Variants in MAP1B observed in about 807,000 individuals in gnomAD.
MAP1B encodes microtubule-associated protein 1B.
MAP1B carries 12 observed loss-of-function variants against 176.1 expected under a neutral mutation model. The ratio of observed to expected loss-of-function variants is 0.07; its 90% CI spans 0.04 to 0.11. MAP1B has a LOEUF of 0.11. MAP1B is among the 10% of genes least tolerant of loss of function. MAP1B has a pLI of 1.00. For synonymous variants in MAP1B, 1,044 were observed against 1,135.0 expected, an observed-to-expected ratio of 0.92 and a Z score of 1.61; for missense variants, 2,523 against 2,990.5, an observed-to-expected ratio of 0.84 and a Z score of 3.65.
In MAP1B at chr5:72,114,623, C is replaced by A. The variant is rs189291217; in HGVS notation, c.185-1075C>A. Reference sequence around the variant, plus strand: ...ATATATAATATGTAAACATGTAAAACACACACACACACCAGAGTTCTGGGG... The same window carrying A: ...ATATATAATATGTAAACATGTAAAAAACACACACACACCAGAGTTCTGGGG... On this transcript the variant is annotated intron_variant, in intron 1 of 6. Transcript: ENST00000296755. 1.1e-3 allele frequency among the ~76,000 whole-genome samples: 167 copies of A among 152,216 alleles called. 2 individuals carry two copies. The highest frequency in any genetic ancestry group is 3.9e-3 in the African/African-American group (161 of 41,542).
chr5:72,136,785 C>T (rs1745844846), intron 2 of MAP1B, among the ~76,000 whole-genome samples: 1 of 152,030 alleles, frequency 6.6e-6, no homozygotes, highest in Admixed American at 6.6e-5. Context: ...GACTACTGAC[C>T]CCAAGCCAAA....
At chr5:72,146,107 T>A (rs777435048) in intron 2 of MAP1B, among the ~76,000 whole-genome samples, 3 of 152,202 alleles carry the variant, frequency 2.0e-5, no homozygotes, top group Non-Finnish European at 4.4e-5. Context: ...TTAGTTGAGA[T>A]GTTTTAGGGA....
rs115355621 is a variant in MAP1B, at chr5:72,164,414, G to A, written c.287-19329G>A. Among the ~76,000 whole-genome samples the A allele has an allele frequency of 7.8e-3, 1,181 of 152,208 alleles. 17 individuals are homozygous for A. The highest frequency in any genetic ancestry group is 0.027 in the African/African-American group (1,113 of 41,516). ...TATTTTTAGCATCAGAATTTTGGGG[G>A]CATCTTGAGTTGAAGAGCAGTGGTT... On this transcript the variant is annotated intron_variant, in intron 2 of 6. Coordinates refer to ENST00000296755, the MANE Select transcript of MAP1B (RefSeq NM_005909.5).
chr5:72,171,803 G>C (rs1746547073), intron 2 of MAP1B, among the ~76,000 whole-genome samples: 1 of 152,154 alleles, frequency 6.6e-6, no homozygotes. Context: ...AAGAACCAAG[G>C]TCACTGGGAA....
intron 2 of MAP1B, among the ~76,000 whole-genome samples, chr5:72,168,080 TGAG>T (rs2112189811): frequency 6.6e-6 from 1 of 152,370 alleles, no homozygotes; most frequent in East Asian, 1.9e-4. Flanking sequence ...GGCCCTGAGC[TGAG>T]GAGGGCCTCA....
chr5:72,177,052 G>A (rs551659184), intron 2 of MAP1B, among the ~76,000 whole-genome samples: 1 of 152,166 alleles, frequency 6.6e-6, no homozygotes, highest in African/African-American at 2.4e-5. Context: ...TTGGGGATCC[G>A]TGGAATTAGA....
intron 2 of MAP1B, chr5:72,179,481 C>G (rs1193604136): frequency 1.6e-5 from 5 of 317,994 alleles, no homozygotes; most frequent in Non-Finnish European, 2.3e-5. Context: ...TGGCCCGTTT[C>G]CCAGTGTGAA....
At chr5:72,183,222 T>C (rs1452445068) in intron 2 of MAP1B, among the ~76,000 whole-genome samples, 1 of 152,240 alleles carries the variant, frequency 6.6e-6, no homozygotes, top group Non-Finnish European at 1.5e-5. Flanking sequence ...AATTAATTAA[T>C]GAATACTCCA....
intron 2 of MAP1B, 28 bp downstream of exon 2, chr5:72,115,827 C>A: frequency 6.6e-7 from 1 of 1,509,128 alleles, no homozygotes; most frequent in Non-Finnish European, 9.2e-7. Context: ...TGTTGGTCAG[C>A]CTAGAATTCC....
intron 2 of MAP1B, chr5:72,116,075 A>G (rs1466887863): frequency 1.4e-5 from 5 of 349,566 alleles, no homozygotes; most frequent in East Asian, 1.3e-4. Flanking sequence ...TGATCACACA[A>G]ATTTTGAATT....
Position 72,195,658 on chromosome 5 carries a change from A to T in MAP1B, c.2303A>T (p.Lys768Ile). The T allele has an allele frequency of 6.2e-7, 1 of 1,614,244 alleles. No individual in the cohort carries two copies. Among genetic ancestry groups the T allele is most frequent in the Non-Finnish European group, 8.5e-7 (1 of 1,180,044 alleles). Residue 768 changes from lysine (K) to isoleucine (I), a missense_variant, in exon 5 of 7, where the codon AAA becomes ATA. This residue lies in a region of MAP1B where 1,925 missense variants were observed against 2,126.0 expected (regional missense o/e 0.91). Coordinates refer to ENST00000296755, the MANE Select transcript of MAP1B (RefSeq NM_005909.5). ...KVPKKEESVK[K>I]DSVAAGKPKE... is the part of the protein sequence containing the mutation. ...CCCAAGAAGGAAGAGTCTGTCAAGA[A>T]AGATTCTGTTGCTGCCGGAAAGCCA...
chr5:72,202,654 T>G (rs983409010), intron 5 of MAP1B, among the ~76,000 whole-genome samples: 3 of 152,174 alleles, frequency 2.0e-5, no homozygotes, highest in Non-Finnish European at 2.9e-5. Context: ...CAAGCCCACT[T>G]AAGTCAGACT....
chr5:72,142,282 G>A (rs1745961158), intron 2 of MAP1B, among the ~76,000 whole-genome samples: 1 of 152,180 alleles, frequency 6.6e-6, no homozygotes. Context: ...GGAGTCCTGG[G>A]CGGTCGCTTA....
At chr5:72,183,041 G>C (rs529420169) in intron 2 of MAP1B, among the ~76,000 whole-genome samples, 2 of 152,176 alleles carry the variant, frequency 1.3e-5, no homozygotes, top group African/African-American at 4.8e-5. Context: ...CCACAGCCCC[G>C]CAGGGTTTCA....
At chr5:72,193,097 G>A (rs1045167046) in intron 4 of MAP1B, among the ~76,000 whole-genome samples, 6 of 152,210 alleles carry the variant, frequency 3.9e-5, no homozygotes, top group African/African-American at 1.2e-4. Flanking sequence ...CCACTTTAAT[G>A]TCATGGCTTT....
chr5:72,181,532 AG>A (rs1746765497), intron 2 of MAP1B, among the ~76,000 whole-genome samples: 1 of 152,104 alleles, frequency 6.6e-6, no homozygotes, highest in Non-Finnish European at 1.5e-5. Context: ...TACATTCACA[AG>A]GTTGTACAAC....
intron 2 of MAP1B, among the ~76,000 whole-genome samples, chr5:72,180,124 G>A (rs1296886169): frequency 6.6e-6 from 1 of 152,198 alleles, no homozygotes; most frequent in Non-Finnish European, 1.5e-5. Context: ...CAGCTAGCGG[G>A]CTCAGGGCGT....
Position 72,198,809 on chromosome 5 carries a change from T to C in MAP1B, c.5454T>C (p.Ser1818=). The C allele has an allele frequency of 6.2e-7, 1 of 1,614,222 alleles. No individual in the cohort carries two copies. ...KEKTATCHSS[S]SPPIDAASAE... The stretch of plus-strand genomic sequence containing the variant: ...AAACAGCAACTTGCCACAGTTCCTC[T>C]TCTCCACCAATAGATGCAGCATCCG... The change falls in exon 5 of 7, where the codon TCT becomes TCC. Residue 1818 remains serine (S), a synonymous_variant. Transcript: ENST00000296755.
intron 1 of MAP1B, among the ~76,000 whole-genome samples, chr5:72,114,644 TGG>T (rs1745401621): frequency 6.6e-6 from 1 of 152,228 alleles, no homozygotes; most frequent in Non-Finnish European, 1.5e-5. Flanking sequence ...ACCAGAGTTC[TGG>T]GGTTCCCCAA....
Sources: allele counts gnomAD v4.1 joint callset (sites outside exome capture counted in the v4.1 genomes callset), GRCh38; gene constraint gnomAD v4.1.1; regional missense constraint gnomAD v4.1.1; transcripts MANE v1.5; gene names NCBI Gene and HGNC (gene_info 2026-07-23, HGNC 2026-07-21).